The following GRIK2 variants were observed in gnomAD, a reference collection of about 807,000 sequenced individuals.
GRIK2 encodes the protein glutamate ionotropic receptor kainate type subunit 2, also known as glutamate receptor ionotropic, kainate 2.
GRIK2 carries 32 observed loss-of-function variants against 100.3 expected under a neutral mutation model. That is an observed-to-expected ratio of 0.32 (90% CI 0.24 to 0.43). The LOEUF (loss-of-function observed/expected upper bound fraction) is 0.43, where lower values mean the gene tolerates loss of function less well. Among genes scored for constraint, GRIK2 ranks in the 20% least tolerant of loss-of-function variants. The pLI is 1.00. For missense variants in GRIK2, 843 were observed against 1,114.9 expected (o/e 0.76, Z 3.47); for synonymous variants, 417 against 389.4 (o/e 1.07, Z -0.83).
intron 14 of GRIK2, among the ~76,000 whole-genome samples, chr6:101,950,901 T>C (rs1037042502): frequency 5.9e-5 from 9 of 152,148 alleles, no homozygotes; most frequent in African/African-American, 2.2e-4. Context: ...GAAACAATGG[T>C]ATGCCTAACA....
chr6:101,632,516 GAATA>G (rs1464732873), intron 4 of GRIK2, among the ~76,000 whole-genome samples: 1 of 152,076 alleles, frequency 6.6e-6, no homozygotes, highest in African/African-American at 2.4e-5. Context: ...ACTTGCCAAG[GAATA>G]AATAGATTCA....
At chr6:101,758,659 C>A (rs938931069) in intron 7 of GRIK2, among the ~76,000 whole-genome samples, 1 of 152,084 alleles carries the variant, frequency 6.6e-6, no homozygotes, top group African/African-American at 2.4e-5. Context: ...TAATCCTGAA[C>A]TGAGAGATTT....
At position 101,486,407 on chromosome 6, in the gene GRIK2, A is replaced by C. The variant is rs532782508; in HGVS notation, c.115+87015A>C. Among the ~76,000 whole-genome samples the C allele has an allele frequency of 2.6e-3, 388 of 151,398 alleles. 3 individuals are homozygous for C. Among genetic ancestry groups the C allele is most frequent in the African/African-American group, 9.2e-3 (381 of 41,192 alleles). Reference sequence around the variant, plus strand: ...GGGGTGGGGCGGGGGGGGGAAGCTAAGTAGATTATAGAAAGTCTGCCAAAT... The same window carrying C: ...GGGGTGGGGCGGGGGGGGGAAGCTACGTAGATTATAGAAAGTCTGCCAAAT... On this transcript the variant is annotated intron_variant, in intron 2 of 16. Transcript: ENST00000369134.
At chr6:101,995,704 GTGTA>G (rs1291898024) in intron 14 of GRIK2, among the ~76,000 whole-genome samples, 1 of 151,870 alleles carries the variant, frequency 6.6e-6, no homozygotes, top group African/African-American at 2.4e-5. Flanking sequence ...GTGATGGGGT[GTGTA>G]TGTGTGTGTG....
At chr6:101,508,286 C>T (rs1159087678) in intron 2 of GRIK2, among the ~76,000 whole-genome samples, 2 of 152,076 alleles carry the variant, frequency 1.3e-5, no homozygotes, top group East Asian at 1.9e-4. Context: ...GCTAAGGTAT[C>T]ACAGTAAATG....
intron 4 of GRIK2, among the ~76,000 whole-genome samples, chr6:101,648,628 C>CATGACAATGTTGTTGTCATG (rs1781642111): frequency 6.6e-6 from 1 of 151,972 alleles, no homozygotes; most frequent in Non-Finnish European, 1.5e-5. Context: ...TAACAATTTA[C>CATGACAATGTTGTTGTCATG]ATGATAAACT....
chr6:101,981,174 CCTT>C (rs1346183037), intron 14 of GRIK2, among the ~76,000 whole-genome samples: 1 of 151,702 alleles, frequency 6.6e-6, no homozygotes. Flanking sequence ...CCCACTCACT[CCTT>C]CTATTTTGTT....
intron 10 of GRIK2, among the ~76,000 whole-genome samples, chr6:101,858,361 CCT>C (rs1366573200): frequency 4.0e-5 from 6 of 148,790 alleles, no homozygotes; most frequent in Non-Finnish European, 8.9e-5. Flanking sequence ...TCACTTTCTT[CCT>C]CTCTCTCTCT....
intron 2 of GRIK2, among the ~76,000 whole-genome samples, chr6:101,575,563 G>T (rs1582748937): frequency 6.6e-6 from 1 of 151,932 alleles, no homozygotes; most frequent in Non-Finnish European, 1.5e-5. Flanking sequence ...TGGCTTTCTT[G>T]CATATTGGGT....
chr6:101,875,688 G>A (rs1785779390), intron 11 of GRIK2, among the ~76,000 whole-genome samples: 1 of 151,492 alleles, frequency 6.6e-6, no homozygotes, highest in Admixed American at 6.6e-5. Flanking sequence ...CCATTAATTG[G>A]AAGTTATAAG....
chr6:101,936,026 AT>A (rs1562497468), intron 14 of GRIK2, among the ~76,000 whole-genome samples: 1 of 151,874 alleles, frequency 6.6e-6, no homozygotes, highest in Non-Finnish European at 1.5e-5. Context: ...TTTATTTTTA[AT>A]TTTTTGTTTG....
rs1562172137 is a variant in GRIK2 at position 101,486,390 on chromosome 6, G to GT, written c.115+86998_115+86999insT. Among the ~76,000 whole-genome samples, 106 of 124,732 alleles carry GT rather than the reference G, an allele frequency of 8.5e-4. 2 individuals are homozygous for GT. The highest frequency in any genetic ancestry group is 7.0e-3 in the South Asian group (22 of 3,122). The allele number at this position is 124,732 out of a possible 152,430, so 81.8% of individuals were successfully genotyped here. A position where few individuals can be genotyped will look rare whatever the true frequency, so the allele number is the denominator to read the frequency against. On this transcript the variant is annotated intron_variant, in intron 2 of 16. Coordinates refer to ENST00000369134, the MANE Select transcript of GRIK2 (RefSeq NM_021956.5). ...AGGTAAGGTTGCATGAGGGGGTGGG[G>GT]CGGGGGGGGGAAGCTAAGTAGATTA... is the stretch of plus-strand genomic sequence containing the variant.
intron 15 of GRIK2, among the ~76,000 whole-genome samples, chr6:102,037,209 GA>G (rs571085021): frequency 2.0e-5 from 3 of 150,780 alleles, no homozygotes; most frequent in South Asian, 2.1e-4. Flanking sequence ...TTATTGAAAT[GA>G]AAAAAAACAA....
intron 14 of GRIK2, among the ~76,000 whole-genome samples, chr6:102,015,702 C>T (rs1270159329): frequency 6.6e-6 from 1 of 152,164 alleles, no homozygotes; most frequent in East Asian, 1.9e-4. Context: ...AGTATGGATC[C>T]CACTGCCACT....
chr6:101,917,842 TTAAC>T (rs1265687912), intron 12 of GRIK2, among the ~76,000 whole-genome samples: 1 of 151,490 alleles, frequency 6.6e-6, no homozygotes, highest in African/African-American at 2.4e-5. Context: ...CATTATTAGT[TTAAC>T]TATATGCCCA....
At chr6:101,418,180 G>GTGC (rs1562123034) in intron 2 of GRIK2, among the ~76,000 whole-genome samples, 1 of 152,162 alleles carries the variant, frequency 6.6e-6, no homozygotes, top group Admixed American at 6.5e-5. Context: ...AGGCTTTTCT[G>GTGC]TGCTGGTTGG....
chr6:101,815,532 C>T (rs1351657390), intron 9 of GRIK2, among the ~76,000 whole-genome samples: 2 of 151,540 alleles, frequency 1.3e-5, no homozygotes, highest in African/African-American at 2.4e-5. Flanking sequence ...GAAAACAGTA[C>T]CTGGGCAAAC....
intron 4 of GRIK2, among the ~76,000 whole-genome samples, chr6:101,637,107 C>A (rs1303262680): frequency 6.6e-6 from 1 of 151,994 alleles, no homozygotes; most frequent in Admixed American, 6.6e-5. Context: ...ACTCCTTTTT[C>A]TTTTCCTATT....
chr6:101,545,883 C>T (rs951895300), intron 2 of GRIK2, among the ~76,000 whole-genome samples: 3 of 152,014 alleles, frequency 2.0e-5, no homozygotes, highest in African/African-American at 7.2e-5. Flanking sequence ...TACTTTAACT[C>T]CTTTCTCCTA....
Sources: gnomAD v4.1 joint callset for allele counts (sites outside exome capture counted in the v4.1 genomes callset) on GRCh38, gnomAD v4.1.1 for gene constraint, MANE v1.5 for transcripts, NCBI Gene and HGNC (gene_info 2026-07-23, HGNC 2026-07-21) for gene names.